Variants in FAM117A observed in about 807,000 individuals in gnomAD.
FAM117A encodes the protein protein FAM117A.
FAM117A carries 21 observed loss-of-function variants against 44.1 expected under a neutral mutation model. That is an observed-to-expected ratio of 0.48 (90% CI 0.34 to 0.69). FAM117A has a LOEUF of 0.69. Among genes scored for constraint, FAM117A ranks in the 30% least tolerant of loss-of-function variants. The probability of loss-of-function intolerance (pLI) is 0.01; values close to 1 mark genes in which losing one functional copy is unlikely to be tolerated. For missense variants in FAM117A, 498 were observed against 589.9 expected (o/e 0.84, Z 1.61); for synonymous variants, 220 against 238.3 (o/e 0.92, Z 0.71).
chr17:49,724,698 G>A (rs760272029), intron 2 of FAM117A, among the ~76,000 whole-genome samples: 2 of 151,774 alleles, frequency 1.3e-5, no homozygotes, highest in African/African-American at 4.8e-5. Context: ...CTGGGCGCCT[G>A]TAATCCCAGC....
At chr17:49,764,177 G>A (rs549705741), upstream of FAM117A, 79 of 648,576 alleles carry the variant, frequency 1.2e-4, no homozygotes, top group African/African-American at 1.3e-3. Context: ...GTACGGGGCG[G>A]GGACCGGCCC....
chr17:49,776,897 T>A (rs1791177529), intron 1 of FAM117A, among the ~76,000 whole-genome samples: 1 of 152,278 alleles, frequency 6.6e-6, no homozygotes, highest in South Asian at 2.1e-4. Flanking sequence ...TAAGAATCCA[T>A]GCAGGACCAG....
intron 7 of FAM117A, 135 bp from the exon 8 acceptor site, chr17:49,711,690 C>T (rs934405985): frequency 9.2e-6 from 7 of 759,762 alleles, no homozygotes; most frequent in Admixed American, 3.0e-5. Flanking sequence ...GGAACTTGAC[C>T]GAAAACCAAG....
chr17:49,734,142 C>CA (rs55925044), intron 1 of FAM117A, among the ~76,000 whole-genome samples: 4,121 of 59,166 alleles, frequency 0.07, 89 homozygotes, highest in African/African-American at 0.1. Flanking sequence ...GACTCTGTCT[C>CA]AAAAAAAAAA....
intron 1 of FAM117A, among the ~76,000 whole-genome samples, chr17:49,770,447 C>T (rs1055276576): frequency 5.3e-5 from 8 of 151,918 alleles, no homozygotes; most frequent in Admixed American, 3.3e-4. Context: ...TGTCCAGAAA[C>T]GCAAATTTAT....
At chr17:49,723,358 C>T (rs888167800) in intron 2 of FAM117A, among the ~76,000 whole-genome samples, 1 of 152,102 alleles carries the variant, frequency 6.6e-6, no homozygotes, top group Non-Finnish European at 1.5e-5. Flanking sequence ...CTTGCTGCAC[C>T]GAAGACAGAG....
intron 1 of FAM117A, among the ~76,000 whole-genome samples, chr17:49,742,508 T>G (rs1419092722): frequency 6.6e-6 from 1 of 152,212 alleles, no homozygotes; most frequent in Non-Finnish European, 1.5e-5. Context: ...TTTTCACCTT[T>G]TATCTGAATT....
At chr17:49,759,271 G>A (rs1007485073) in intron 1 of FAM117A, among the ~76,000 whole-genome samples, 8 of 152,150 alleles carry the variant, frequency 5.3e-5, no homozygotes. Context: ...ACTCCTTTGG[G>A]TACCAAAGAG....
intron 7 of FAM117A, among the ~76,000 whole-genome samples, chr17:49,714,091 A>T (rs1195945393): frequency 3.3e-5 from 5 of 152,122 alleles, no homozygotes; most frequent in Admixed American, 2.6e-4. Context: ...GACCAAGGGG[A>T]GACCCAGCAA....
chr17:49,783,019 C>T (rs568332908), intron 1 of FAM117A, among the ~76,000 whole-genome samples: 13 of 152,280 alleles, frequency 8.5e-5, no homozygotes, highest in South Asian at 4.2e-4. Flanking sequence ...CTTTCCACCC[C>T]GGCAAATAGA....
chr17:49,783,203 C>T (rs2073794959), intron 1 of FAM117A, among the ~76,000 whole-genome samples: 1 of 152,234 alleles, frequency 6.6e-6, no homozygotes, highest in South Asian at 2.1e-4. Context: ...GCCATAACAA[C>T]ATCTTGTAAC....
chr17:49,740,921 C>A (rs1056370297), intron 1 of FAM117A, among the ~76,000 whole-genome samples: 2 of 152,112 alleles, frequency 1.3e-5, no homozygotes, highest in African/African-American at 4.8e-5. Context: ...CTCTTCTCAG[C>A]GTGACCAGAG....
chr17:49,746,623 A>G (rs951628511), intron 1 of FAM117A, among the ~76,000 whole-genome samples: 8 of 152,256 alleles, frequency 5.3e-5, no homozygotes, highest in African/African-American at 1.9e-4. Context: ...AGAGCTTCCT[A>G]TAAGTCCAGA....
At chr17:49,752,892 C>G (rs1434136241) in intron 1 of FAM117A, among the ~76,000 whole-genome samples, 4 of 149,712 alleles carry the variant, frequency 2.7e-5, no homozygotes, top group Non-Finnish European at 4.4e-5. Flanking sequence ...GAGACAGAGT[C>G]TCACTATGTC....
At chr17:49,764,365 CCTGTA>C (rs1279143761), upstream of FAM117A, among the ~76,000 whole-genome samples, 1 of 152,158 alleles carries the variant, frequency 6.6e-6, no homozygotes, top group Non-Finnish European at 1.5e-5. Context: ...TGCTGATTGG[CCTGTA>C]CAGAAGAGGG....
chr17:49,769,022 G>A (rs1399393434), upstream of FAM117A, among the ~76,000 whole-genome samples: 3 of 152,206 alleles, frequency 2.0e-5, no homozygotes, highest in Admixed American at 1.3e-4. Context: ...TTGGCTGGGT[G>A]TGGTGGCTCA....
At chr17:49,788,730 A>AGG, upstream of FAM117A, 14 of 1,254,194 alleles carry the variant, frequency 1.1e-5, no homozygotes, top group Non-Finnish European at 9.8e-6. Context: ...GATCGTCCGC[A>AGG]GGATTGGGAC....
intron 1 of FAM117A, among the ~76,000 whole-genome samples, chr17:49,733,976 A>G (rs1322080743): frequency 5.9e-5 from 9 of 151,386 alleles, no homozygotes; most frequent in Admixed American, 2.6e-4. Context: ...CCGCGTCTCT[A>G]CTAAAAATAC....
chr17:49,753,327 T>C (rs1382182841), intron 1 of FAM117A, among the ~76,000 whole-genome samples: 6 of 152,242 alleles, frequency 3.9e-5, no homozygotes, highest in African/African-American at 1.2e-4. Context: ...GGAAATGCCC[T>C]TTGCCTAATT....
Sources: allele counts gnomAD v4.1 joint callset (sites outside exome capture counted in the v4.1 genomes callset), GRCh38; gene constraint gnomAD v4.1.1; transcripts MANE v1.5; gene names NCBI Gene and HGNC (gene_info 2026-07-23, HGNC 2026-07-21).